Variants in RPS6KA2 observed in about 807,000 individuals in gnomAD.
RPS6KA2 encodes ribosomal protein S6 kinase alpha-2.
Under a neutral mutation model 91.8 loss-of-function variants are expected in RPS6KA2, and 42 were observed. The observed-to-expected ratio is 0.46, with a 90% CI of 0.36 to 0.59. RPS6KA2 has a LOEUF of 0.59. Ranked by LOEUF, RPS6KA2 falls within the 20% of genes least tolerant of loss-of-function variation. The pLI, the probability that RPS6KA2 is intolerant of heterozygous loss-of-function variation, is 0.00. For synonymous variants in RPS6KA2, 414 were observed against 393.6 expected (o/e 1.05, Z -0.61); for missense variants, 798 against 978.5 (o/e 0.82, Z 2.46).
intron 3 of RPS6KA2, among the ~76,000 whole-genome samples, chr6:166,516,493 A>T (rs1368258862): frequency 6.6e-6 from 1 of 152,224 alleles, no homozygotes; most frequent in Non-Finnish European, 1.5e-5. Flanking sequence ...TAGGATGATT[A>T]AACAACAAGC....
At position 166,781,079 on chromosome 6, in the gene RPS6KA2, T is replaced by C. The variant is rs562520071; in HGVS notation, c.123+77121A>G. On this transcript the variant is annotated intron_variant, in intron 2 of 21. Coordinates refer to the RPS6KA2 transcript ENST00000503859. ...TCTCTAAAGAAACAGTATTGCTGGGTTGTAAATAAGACATCACTCCTCTAA... is the reference window on the plus strand; with the variant it reads ...TCTCTAAAGAAACAGTATTGCTGGGCTGTAAATAAGACATCACTCCTCTAA... Among the ~76,000 whole-genome samples the C allele has an allele frequency of 2.6e-5, 4 of 152,344 alleles. 1 individual carries two copies. The South Asian group carries it at 8.3e-4, about 32-fold the overall frequency.
Position 166,434,678 on chromosome 6 carries a change from T to C in RPS6KA2, c.1333-2188A>G, listed in dbSNP as rs1026735408. ...AGATTTTTTCGCAAATATGATTTCA[T>C]GATAAAGGGATGTGTTCTTAGCATG... On this transcript the variant is annotated intron_variant, in intron 14 of 20. Transcript: ENST00000265678. The surrounding 1 kb of genome is among the most constrained non-coding windows in gnomAD (Gnocchi z 4.4). 6.6e-6 allele frequency among the ~76,000 whole-genome samples: 1 copy of C among 152,222 alleles called. No individual in the cohort carries two copies. Among genetic ancestry groups the C allele is most frequent in the Non-Finnish European group, 1.5e-5 (1 of 68,046 alleles).
At chr6:166,510,445 G>T (rs559309080) in intron 3 of RPS6KA2, 88 bp from the exon 4 acceptor site, 3 of 773,980 alleles carry the variant, frequency 3.9e-6, no homozygotes, top group South Asian at 2.4e-5. Context: ...TATAATTCCC[G>T]CCAACTTTTC....
intron 2 of RPS6KA2, among the ~76,000 whole-genome samples, chr6:166,678,224 C>T (rs182940356): frequency 6.6e-6 from 1 of 152,314 alleles, no homozygotes; most frequent in African/African-American, 2.4e-5. Context: ...CCGGCCACTT[C>T]CCAGCACCCA....
chr6:166,597,535 A>C (rs1384329198), intron 1 of RPS6KA2, among the ~76,000 whole-genome samples: 1 of 152,180 alleles, frequency 6.6e-6, no homozygotes, highest in Non-Finnish European at 1.5e-5. Context: ...TCTGGGAAAA[A>C]AGGTAGGAGG....
chr6:166,504,866 C>T (rs1782142796), intron 5 of RPS6KA2, among the ~76,000 whole-genome samples: 1 of 152,144 alleles, frequency 6.6e-6, no homozygotes. Flanking sequence ...GAGTGGGGTG[C>T]TGAGATTCAG....
At position 166,729,254 on chromosome 6, in the gene RPS6KA2, G is replaced by C. The variant is rs370256570; in HGVS notation, c.123+128946C>G. Among the ~76,000 whole-genome samples the C allele has an allele frequency of 7.3e-4, 111 of 152,356 alleles. 1 individual carries two copies. The highest frequency in any genetic ancestry group is 2.6e-3 in the African/African-American group (109 of 41,582). ...GAGGGCCCTTCATGGCTGCCTACAA[G>C]CCCTGGTGCAGGGAACGCACACTGC... On this transcript the variant is annotated intron_variant, in intron 2 of 21. Coordinates refer to the RPS6KA2 transcript ENST00000503859.
chr6:166,657,821 C>A lies in RPS6KA2; in HGVS notation c.124-119037G>T, dbSNP rs571483294. 2.0e-5 allele frequency among the ~76,000 whole-genome samples: 3 copies of A among 152,324 alleles called. No individual in the cohort carries two copies. In the South Asian group the frequency reaches 6.2e-4, roughly 32 times the overall value. ...AAGTCATACAAATGCGGACAAGAGG[C>A]CTGAAGACCGAAAACCTGAACTGCA... On this transcript the variant is annotated intron_variant, in intron 2 of 21. Coordinates refer to the RPS6KA2 transcript ENST00000503859.
At chr6:166,545,431 G>A (rs1174856696) in intron 1 of RPS6KA2, among the ~76,000 whole-genome samples, 1 of 152,182 alleles carries the variant, frequency 6.6e-6, no homozygotes, top group Non-Finnish European at 1.5e-5. Context: ...AGAAGTCTCC[G>A]TTAAGCTACT....
chr6:166,687,801 C>T (rs887584582), intron 2 of RPS6KA2, among the ~76,000 whole-genome samples: 4 of 152,204 alleles, frequency 2.6e-5, no homozygotes, highest in African/African-American at 9.6e-5. Context: ...TTGCTCAATG[C>T]GTGTGCACAG....
chr6:166,504,534 T>C lies in RPS6KA2; in HGVS notation c.538A>G (p.Ile180Val), dbSNP rs770370189. 1.9e-5 allele frequency: 30 copies of C among 1,613,436 alleles called. No homozygotes were observed. Among genetic ancestry groups the C allele is most frequent in the Middle Eastern group, 1.7e-4 (1 of 6,048 alleles). ...TCAGGCTTCAGATCTCTGTAGATGA[T>C]CCCCAGGCTGTGGAGATGGTCTAAA... ...LALDHLHSLG[I>V]IYRDLKPENI... The change falls in exon 6 of 21, where the codon ATC (isoleucine) becomes GTC (valine). Residue 180 changes from isoleucine (I) to valine (V), a missense_variant. Ile to Val is a conservative substitution (Grantham distance 29). Transcript: ENST00000265678.
intron 15 of RPS6KA2, 84 bp from the exon 16 acceptor site, chr6:166,430,695 A>T: frequency 7.0e-7 from 1 of 1,427,000 alleles, no homozygotes; most frequent in Non-Finnish European, 9.5e-7. Flanking sequence ...AGGAGAGGGA[A>T]GTCAGAGGGG....
chr6:166,691,505 C>T (rs1392242790), intron 2 of RPS6KA2, among the ~76,000 whole-genome samples: 2 of 152,148 alleles, frequency 1.3e-5, no homozygotes, highest in Admixed American at 1.3e-4. Flanking sequence ...CACACAAGCG[C>T]ATCTCACCTC....
chr6:166,555,324 T>A (rs367628590), intron 1 of RPS6KA2, among the ~76,000 whole-genome samples: 42 of 152,320 alleles, frequency 2.8e-4, no homozygotes, highest in African/African-American at 9.9e-4. Context: ...TGCACCCCTA[T>A]TGTTCTGGGC....
At chr6:166,653,967 C>T (rs61157638) in intron 2 of RPS6KA2, among the ~76,000 whole-genome samples, 17,221 of 152,260 alleles carry the variant, frequency 0.11, 1,046 homozygotes, top group South Asian at 0.17. Context: ...ACAGGCTTCT[C>T]TCCCACCTCT....
chr6:166,510,483 C>G, intron 3 of RPS6KA2, 126 bp from the exon 4 acceptor site: 1 of 475,164 alleles, frequency 2.1e-6, no homozygotes, highest in Non-Finnish European at 3.6e-6. Context: ...ATATACAAAA[C>G]TTGAAAAAGT....
At chr6:166,796,289 C>T (rs1022978780) in intron 2 of RPS6KA2, among the ~76,000 whole-genome samples, 4 of 152,144 alleles carry the variant, frequency 2.6e-5, no homozygotes, top group African/African-American at 9.7e-5. Context: ...TCATATGGCC[C>T]CCTAAAAATC....
chr6:166,648,612 G>T lies in RPS6KA2; in HGVS notation c.124-109828C>A, dbSNP rs1787748474. On this transcript the variant is annotated intron_variant, in intron 2 of 21. Coordinates refer to the RPS6KA2 transcript ENST00000503859. The surrounding 1 kb of genome is among the most constrained non-coding windows in gnomAD (Gnocchi z 4.8). ...CATTTTAGTATTTTCACCTATCACC[G>T]CCACGCAGCTGACTTCTTAATCTGT... is the stretch of plus-strand genomic sequence containing the variant. 6.6e-6 allele frequency among the ~76,000 whole-genome samples: 1 copy of T among 152,114 alleles called. No individual in the cohort carries two copies. Among genetic ancestry groups the T allele is most frequent in the Non-Finnish European group, 1.5e-5 (1 of 68,020 alleles).
At chr6:166,568,021 T>C (rs1290626220) in intron 1 of RPS6KA2, among the ~76,000 whole-genome samples, 1 of 152,192 alleles carries the variant, frequency 6.6e-6, no homozygotes, top group Admixed American at 6.5e-5. Flanking sequence ...GTCTCAGGTC[T>C]AGGATGGAAG....
Sources: gnomAD v4.1 joint callset for allele counts (sites outside exome capture counted in the v4.1 genomes callset) on GRCh38, gnomAD v4.1.1 for gene constraint, Gnocchi (gnomAD v3.1) non-coding constraint, MANE v1.5 for transcripts, NCBI Gene and HGNC (gene_info 2026-07-23, HGNC 2026-07-21) for gene names.